Variants in EP300 observed in about 807,000 individuals in gnomAD.
The protein encoded by EP300 is EP300 lysine acetyltransferase.
In EP300, 31 loss-of-function variants were observed where a neutral mutation model predicts 264.0. The ratio of observed to expected loss-of-function variants is 0.12; its 90% CI spans 0.09 to 0.16. The LOEUF is 0.16. Ranked by LOEUF, EP300 falls within the 10% of genes least tolerant of loss-of-function variation. The probability of loss-of-function intolerance (pLI) is 1.00; values close to 1 mark genes in which losing one functional copy is unlikely to be tolerated. For missense variants in EP300, 2,766 were observed against 3,052.9 expected (o/e 0.91, Z 2.21); for synonymous variants, 1,340 against 1,045.4 (o/e 1.28, Z -5.44).
intron 6 of EP300, among the ~76,000 whole-genome samples, chr22:41,133,836 A>C (rs1040615606): frequency 1.3e-5 from 2 of 152,230 alleles, no homozygotes; most frequent in Non-Finnish European, 2.9e-5. Context: ...GCCACTGTGC[A>C]GTAAAGTTTA....
At chr22:41,166,764 T>C in intron 23 of EP300, 98 bp downstream of exon 23, 1 of 737,544 alleles carries the variant, frequency 1.4e-6, no homozygotes, top group Non-Finnish European at 2.3e-6. Flanking sequence ...ATCACAGTAA[T>C]AGAGTAAAAA....
intron 27 of EP300, among the ~76,000 whole-genome samples, chr22:41,171,047 T>C (rs1028410190): frequency 1.3e-5 from 2 of 151,970 alleles, no homozygotes; most frequent in Admixed American, 6.6e-5. Context: ...TTGCTTTTAT[T>C]TTGTATATTC....
chr22:41,162,888 T>G, intron 21 of EP300, 109 bp downstream of exon 21: 1 of 901,218 alleles, frequency 1.1e-6, no homozygotes, highest in Non-Finnish European at 1.9e-6. Flanking sequence ...TTGGGCTAAA[T>G]CTACATAACA....
intron 1 of EP300, among the ~76,000 whole-genome samples, chr22:41,094,102 C>T (rs749341348): frequency 2.0e-5 from 3 of 152,212 alleles, no homozygotes; most frequent in Non-Finnish European, 4.4e-5. Flanking sequence ...TCCATCATCC[C>T]TTCATTCTTT....
intron 29 of EP300, 88 bp from the exon 30 acceptor site, chr22:41,176,159 G>A (rs1400238856): frequency 3.4e-6 from 5 of 1,486,448 alleles, no homozygotes; most frequent in South Asian, 1.2e-5. Context: ...GGCAGAGGTT[G>A]TAGTGAGCCA....
chr22:41,173,812 A>G (rs2059184614), intron 29 of EP300, 28 bp downstream of exon 29: 2 of 1,613,308 alleles, frequency 1.2e-6, no homozygotes, highest in African/African-American at 1.3e-5. Flanking sequence ...AGAGTTGGGG[A>G]AAAACGGCAA....
At chr22:41,095,543 C>A (rs1387370494) in intron 1 of EP300, among the ~76,000 whole-genome samples, 1 of 150,632 alleles carries the variant, frequency 6.6e-6, no homozygotes, top group African/African-American at 2.5e-5. Context: ...ACCATTATAT[C>A]TTGAATTTTT....
At chr22:41,134,053 T>C (rs5751048) in intron 6 of EP300, among the ~76,000 whole-genome samples, 6,262 of 152,278 alleles carry the variant, frequency 0.041, 428 homozygotes, top group East Asian at 0.21. Flanking sequence ...TTTTAGACAG[T>C]TGTGCTAATG....
chr22:41,161,479 T>C (rs2059108085), intron 20 of EP300, among the ~76,000 whole-genome samples: 2 of 152,058 alleles, frequency 1.3e-5, no homozygotes, highest in East Asian at 1.9e-4. Flanking sequence ...TAGCCGGGCA[T>C]GGTGGTGGGC....
intron 1 of EP300, among the ~76,000 whole-genome samples, chr22:41,099,618 C>T (rs1436910354): frequency 1.3e-5 from 2 of 152,168 alleles, no homozygotes; most frequent in Non-Finnish European, 2.9e-5. Flanking sequence ...ATCTTTGTAA[C>T]CTCCGCATAC....
Position 41,149,798 on chromosome 22 carries a change from C to A in EP300, c.2417C>A (p.Pro806His), listed in dbSNP as rs1357727063. Residue 806 changes from proline (P) to histidine (H), a missense_variant, in exon 14 of 31, where the codon CCT becomes CAT. Transcript: ENST00000263253. The stretch of plus-strand genomic sequence containing the variant: ...AGTTCTTCCTGCCCGGTGAACTCTC[C>A]TATAATGCCTCCAGGGTCTCAGGGG... ...MSSSSCPVNS[P>H]IMPPGSQGSH... 7.4e-6 allele frequency: 12 copies of A among 1,614,094 alleles called. No individual in the cohort carries two copies. The highest frequency in any genetic ancestry group is 1.0e-5 in the Non-Finnish European group (12 of 1,180,012).
In EP300 at chr22:41,131,454, C is replaced by T. The variant is rs769721803; in HGVS notation, c.1349C>T (p.Ala450Val). ...PSSLGVGQQS[A>V]PNLSTVSQID... ...TCTCTAGGGGTGGGTCAACAGTCTG[C>T]CCCCAACCTAAGCACTGTTAGTCAG... The change falls in exon 6 of 31, where the codon GCC becomes GTC. Residue 450 changes from alanine to valine, a missense_variant. Transcript: ENST00000263253. 2 of 1,614,074 alleles carry T rather than the reference C, an allele frequency of 1.2e-6. No homozygotes were observed. Among genetic ancestry groups the T allele is most frequent in the South Asian group, 1.1e-5 (1 of 91,078 alleles).
At chr22:41,116,769 A>G (rs867943390) in intron 1 of EP300, among the ~76,000 whole-genome samples, 2 of 152,206 alleles carry the variant, frequency 1.3e-5, no homozygotes, top group African/African-American at 4.8e-5. Context: ...TACAAATAGT[A>G]TATATATAGG....
intron 27 of EP300, among the ~76,000 whole-genome samples, chr22:41,171,168 G>C (rs1176493504): frequency 6.6e-6 from 1 of 150,778 alleles, no homozygotes; most frequent in Non-Finnish European, 1.5e-5. Flanking sequence ...GGGGAGGGTG[G>C]GGATAGAGTT....
Position 41,152,194 on chromosome 22 carries a change from G to T in EP300, c.2998-12G>T, listed in dbSNP as rs115849119. The T allele has an allele frequency of 1.2e-6, 2 of 1,613,520 alleles. No individual in the cohort carries two copies. Among genetic ancestry groups the T allele is most frequent in the Non-Finnish European group, 1.7e-6 (2 of 1,179,554 alleles). ...TCTTTGGAATACTAAAAATTCTTAC[G>T]TTTTCTTTTAGTCTAAAGTGGAAGA... On this transcript the variant is annotated splice_polypyrimidine_tract_variant and intron_variant, in intron 15 of 30. Coordinates refer to ENST00000263253, the MANE Select transcript of EP300 (RefSeq NM_001429.4).
At position 41,092,965 on chromosome 22, in the gene EP300, A is replaced by C; in HGVS notation, c.-40A>C. 1 of 1,610,600 alleles carries C rather than the reference A, an allele frequency of 6.2e-7. No individual in the cohort carries two copies. The highest frequency in any genetic ancestry group is 8.5e-7 in the Non-Finnish European group (1 of 1,177,010). Reference sequence around the variant, plus strand: ...GGGCCGAAGAAGAGATTTCCTGAGGATTCTGGTTTTCCTCGCTTGTATCTC... The same window carrying C: ...GGGCCGAAGAAGAGATTTCCTGAGGCTTCTGGTTTTCCTCGCTTGTATCTC... On this transcript the variant is annotated 5_prime_UTR_variant, in exon 1 of 31. Transcript: ENST00000263253.
intron 1 of EP300, among the ~76,000 whole-genome samples, chr22:41,114,306 C>G (rs903164223): frequency 6.6e-6 from 1 of 152,136 alleles, no homozygotes; most frequent in Non-Finnish European, 1.5e-5. Context: ...CTCAGCCTCC[C>G]TAGTAGCTGA....
At position 41,111,926 on chromosome 22, in the gene EP300, C is replaced by T. The variant is rs1262705222; in HGVS notation, c.95-5261C>T. ...TTTTTGAGACAGAGTCTCACTCTGT[C>T]GCCCAGGCTGGAGTGCAGTGGCGCG... On this transcript the variant is annotated intron_variant, in intron 1 of 30. Transcript: ENST00000263253. Among the ~76,000 whole-genome samples the T allele has an allele frequency of 6.4e-5, 8 of 124,512 alleles. No individual in the cohort carries two copies. The Middle Eastern group carries it at 0.019, about 292-fold the overall frequency. The allele number at this position is 124,512 out of a possible 152,430, so 81.7% of individuals were successfully genotyped here. A position where few individuals can be genotyped will look rare whatever the true frequency, so the allele number is the denominator to read the frequency against.
rs146147293 is a variant in EP300, at chr22:41,173,757, A to G, written c.4752A>G (p.Leu1584=). The G allele has an allele frequency of 2.4e-4, 395 of 1,614,054 alleles. No homozygotes were observed. Among genetic ancestry groups the G allele is most frequent in the Non-Finnish European group, 3.2e-4 (377 of 1,180,028 alleles). The change falls in exon 29 of 31, where the codon CTA becomes CTG. Residue 1584 remains leucine (L), a synonymous_variant. Coordinates refer to ENST00000263253, the MANE Select transcript of EP300 (RefSeq NM_001429.4). ...PNVSNDLSQK[L]YATMEKHKEV... ...TATCTAACGACCTCTCACAGAAACT[A>G]TATGCCACCATGGAGAAGCATAAAG...
Sources: gnomAD v4.1 joint callset for allele counts (sites outside exome capture counted in the v4.1 genomes callset) on GRCh38, gnomAD v4.1.1 for gene constraint, MANE v1.5 for transcripts, NCBI Gene and HGNC (gene_info 2026-07-23, HGNC 2026-07-21) for gene names.